SAMSN1: variants seen among roughly 807,000 people sequenced by gnomAD.
SAMSN1 encodes SAM domain-containing protein SAMSN-1.
A neutral mutation model predicts 42.0 loss-of-function variants in SAMSN1; 31 were observed. The ratio of observed to expected loss-of-function variants is 0.74; its 90% confidence interval spans 0.55 to 1.00. The LOEUF is 1.00. SAMSN1 is among the 50% of genes least tolerant of loss of function. The pLI, the probability that SAMSN1 is intolerant of heterozygous loss-of-function variation, is 0.00. For missense variants in SAMSN1, 464 were observed against 439.4 expected (o/e 1.06, Z -0.50); for synonymous variants, 178 against 151.9 (o/e 1.17, Z -1.26).
At chr21:14,604,942 A>G (rs1982526146) in intron 5 of SAMSN1, among the ~76,000 whole-genome samples, 2 of 152,200 alleles carry the variant, frequency 1.3e-5, no homozygotes, top group South Asian at 4.1e-4. Context: ...GCCTAATAAG[A>G]TGTTCTTTTA....
intron 2 of SAMSN1, among the ~76,000 whole-genome samples, chr21:14,617,749 C>A (rs1224637043): frequency 1.3e-5 from 2 of 152,208 alleles, no homozygotes; most frequent in African/African-American, 4.8e-5. Flanking sequence ...TTATTCAAGT[C>A]ACAGTATTTT....
chr21:14,637,855 A>G (rs936646021), intron 2 of SAMSN1, among the ~76,000 whole-genome samples: 6 of 152,224 alleles, frequency 3.9e-5, no homozygotes, highest in Non-Finnish European at 7.3e-5. Flanking sequence ...TCTAGAGACA[A>G]AAGATAGCCA....
Position 14,512,455 on chromosome 21 carries a change from T to G in SAMSN1, c.398A>C (p.Gln133Pro). 6.2e-7 allele frequency: 1 copy of G among 1,613,918 alleles called. No homozygotes were observed. Among genetic ancestry groups the G allele is most frequent in the Non-Finnish European group, 8.5e-7 (1 of 1,179,806 alleles). Residue 133 changes from glutamine to proline, a missense_variant, in exon 4 of 8, where the codon CAG (glutamine) becomes CCG (proline). Coordinates refer to ENST00000400566, the MANE Select transcript of SAMSN1 (RefSeq NM_022136.5). ...SDSMDSLYSG[Q>P]SSSSGITSCS... ...TTCATTAGCCTTACTTGATGAGCTC[T>G]GTCCACTGTAGAGACTATCCATGGA...
chr21:14,603,630 G>A (rs1982494285), intron 5 of SAMSN1, among the ~76,000 whole-genome samples: 1 of 152,210 alleles, frequency 6.6e-6, no homozygotes, highest in African/African-American at 2.4e-5. Context: ...TGGATATAGA[G>A]TAAGAGGAGG....
At chr21:14,586,277 AAGAAAAAG>A (rs1981915515), upstream of SAMSN1, among the ~76,000 whole-genome samples, 1 of 147,340 alleles carries the variant, frequency 6.8e-6, no homozygotes. Context: ...AAAAAAAAAA[AAGAAAAAG>A]AAAAAAAAAG....
intron 4 of SAMSN1, 81 bp downstream of exon 4, chr21:14,512,363 G>T: frequency 1.4e-6 from 2 of 1,439,592 alleles, no homozygotes; most frequent in Non-Finnish European, 1.9e-6. Flanking sequence ...GGAACCTTGT[G>T]GCTGATTTAA....
In SAMSN1 at chr21:14,601,342, G is replaced by A. The variant is rs140888729; in HGVS notation, c.399+681C>T. Among the ~76,000 whole-genome samples, 7 of 152,216 alleles carry A rather than the reference G, an allele frequency of 4.6e-5. No individual in the cohort carries two copies. In the East Asian group the frequency reaches 1.2e-3, roughly 25 times the overall value. ...AGCCTCAGGAATCAGGCTGGATTTA[G>A]GAATGTGAGCCCCCCCTTCCTCACC... On this transcript the variant is annotated intron_variant, in intron 6 of 15. Transcript: ENST00000647101.
chr21:14,630,854 G>A (rs563426725), intron 2 of SAMSN1, among the ~76,000 whole-genome samples: 81 of 152,238 alleles, frequency 5.3e-4, no homozygotes, highest in African/African-American at 1.4e-3. Flanking sequence ...TAATAGCTAT[G>A]TCAATGTTGA....
rs1295201082 is a variant in SAMSN1 at position 14,514,542 on chromosome 21, T to C, written c.280-1969A>G. ...GTTATTTAGTCTAAAGCAGGAATAG[T>C]TTACATGGAGAAATTAGGGAGTTTA... On this transcript the variant is annotated intron_variant, in intron 3 of 7. Transcript: ENST00000400566. Among the ~76,000 whole-genome samples the C allele has an allele frequency of 3.3e-5, 5 of 152,294 alleles. No individual in the cohort carries two copies. In the South Asian group the frequency reaches 8.3e-4, roughly 25 times the overall value.
At chr21:14,581,419 C>T (rs13046437) in intron 2 of SAMSN1, among the ~76,000 whole-genome samples, 52,926 of 129,176 alleles carry the variant, frequency 0.41, 10,874 homozygotes, top group Middle Eastern at 0.52. Context: ...AGGGCAGTGG[C>T]GCGATCTCGG....
At chr21:14,541,132 G>C (rs923452258) in intron 1 of SAMSN1, among the ~76,000 whole-genome samples, 2 of 149,004 alleles carry the variant, frequency 1.3e-5, no homozygotes, top group Non-Finnish European at 3.0e-5. Context: ...GGCCTGTTGT[G>C]GGGTTGGGGG....
At chr21:14,528,479 G>C (rs1159978925) in intron 1 of SAMSN1, among the ~76,000 whole-genome samples, 3 of 152,096 alleles carry the variant, frequency 2.0e-5, no homozygotes, top group Non-Finnish European at 2.9e-5. Context: ...ACTAAAAAAA[G>C]GCTCTGTGCT....
At chr21:14,648,983 C>A (rs568081379) in intron 1 of SAMSN1, among the ~76,000 whole-genome samples, 5 of 149,678 alleles carry the variant, frequency 3.3e-5, no homozygotes, top group Non-Finnish European at 7.4e-5. Context: ...ATGTTTATTG[C>A]GGCATTATTC....
intron 2 of SAMSN1, among the ~76,000 whole-genome samples, chr21:14,620,851 C>A (rs1057067224): frequency 6.6e-6 from 1 of 152,076 alleles, no homozygotes; most frequent in African/African-American, 2.4e-5. Context: ...AACATGGGTA[C>A]AAACACATAT....
intron 2 of SAMSN1, among the ~76,000 whole-genome samples, chr21:14,554,701 T>TC (rs1439886121): frequency 3.4e-5 from 5 of 146,618 alleles, no homozygotes; most frequent in South Asian, 2.1e-4. Flanking sequence ...TCTTTTTCTT[T>TC]TTTTTTTTTT....
intron 1 of SAMSN1, among the ~76,000 whole-genome samples, chr21:14,529,666 C>T (rs533609816): frequency 9.9e-5 from 15 of 152,170 alleles, no homozygotes; most frequent in South Asian, 2.1e-4. Flanking sequence ...ACCATAAGAG[C>T]TAAATAGAAT....
chr21:14,647,330 G>A (rs1043115548), intron 1 of SAMSN1, among the ~76,000 whole-genome samples: 14 of 150,880 alleles, frequency 9.3e-5, no homozygotes, highest in Non-Finnish European at 1.8e-4. Flanking sequence ...GCTCTGTTCT[G>A]TTCCATTGAT....
chr21:14,597,549 G>A (rs767575816), intron 6 of SAMSN1, among the ~76,000 whole-genome samples: 1 of 152,174 alleles, frequency 6.6e-6, no homozygotes, highest in Non-Finnish European at 1.5e-5. Context: ...ACACAGTTTT[G>A]TCTGATTGCT....
chr21:14,628,400 T>C (rs1983237719), intron 2 of SAMSN1, among the ~76,000 whole-genome samples: 1 of 152,062 alleles, frequency 6.6e-6, no homozygotes, highest in Admixed American at 6.6e-5. Context: ...ATATGTACAA[T>C]TATTGTGTCA....
Sources: allele counts gnomAD v4.1 joint callset (sites outside exome capture counted in the v4.1 genomes callset), GRCh38; gene constraint gnomAD v4.1.1; transcripts MANE v1.5; gene names NCBI Gene and HGNC (gene_info 2026-07-23, HGNC 2026-07-21).